TCF25: variants seen among roughly 807,000 people sequenced by gnomAD.
The protein encoded by TCF25 is TCF25 ribosome quality control complex subunit.
In TCF25, 41 loss-of-function variants were observed where a neutral mutation model predicts 83.1. The ratio of observed to expected loss-of-function variants is 0.49; its 90% CI spans 0.38 to 0.64. TCF25 has a LOEUF of 0.64. Among genes scored for constraint, TCF25 ranks in the 30% least tolerant of loss-of-function variants. The pLI is 0.00. For missense variants in TCF25, 979 were observed against 914.5 expected (o/e 1.07, Z -0.91); for synonymous variants, 458 against 365.0 (o/e 1.25, Z -2.90).
chr16:89,895,153 C>G lies in TCF25; in HGVS notation c.928+16C>G. 1 of 1,608,626 alleles carries G rather than the reference C, an allele frequency of 6.2e-7. No individual in the cohort carries two copies. Among genetic ancestry groups the G allele is most frequent in the Non-Finnish European group, 8.5e-7 (1 of 1,176,852 alleles). On this transcript the variant is annotated intron_variant, in intron 8 of 17. Transcript: ENST00000263346. ...GACCTCGTAGGTAAGGCAGAGCCCC[C>G]ACCCCATTCCCCTCAGCTGTGGGAG...
At chr16:89,910,775 G>A in intron 17 of TCF25, 112 bp downstream of exon 17, 2 of 1,275,736 alleles carry the variant, frequency 1.6e-6, no homozygotes, top group South Asian at 1.3e-5. Context: ...GGCACAGGGA[G>A]CAGGGAAGGA....
At chr16:89,881,112 G>C (rs112604748) in intron 1 of TCF25, among the ~76,000 whole-genome samples, 2 of 152,220 alleles carry the variant, frequency 1.3e-5, no homozygotes, top group African/African-American at 2.4e-5. Flanking sequence ...GGGCGTTTAA[G>C]ATGCTCCTGA....
chr16:89,905,700 C>T (rs1290229709), intron 14 of TCF25, among the ~76,000 whole-genome samples: 1 of 152,210 alleles, frequency 6.6e-6, no homozygotes, highest in African/African-American at 2.4e-5. Context: ...CCAAGAGGCG[C>T]TGGTGCCCCC....
In TCF25 at chr16:89,911,292, TGGTC is replaced by T. The variant is rs2045535491; in HGVS notation, c.*57_*60del. On this transcript the variant is annotated 3_prime_UTR_variant, in exon 18 of 18. Coordinates refer to ENST00000263346, the MANE Select transcript of TCF25 (RefSeq NM_014972.3). The stretch of plus-strand genomic sequence containing the variant: ...ATGATGATGTTCCCGATTTCTCTGT[TGGTC>T]GGAGTCGGCCAGTTGCCTGAAGTAG... 1.3e-6 allele frequency: 2 copies of T among 1,598,618 alleles called. No homozygotes were observed. The highest frequency in any genetic ancestry group is 2.7e-5 in the African/African-American group (2 of 74,672).
intron 1 of TCF25, among the ~76,000 whole-genome samples, chr16:89,878,904 G>C (rs2042388054): frequency 6.6e-6 from 1 of 152,206 alleles, no homozygotes; most frequent in Non-Finnish European, 1.5e-5. Context: ...GCCTCCCAAA[G>C]TGCTGGGATT....
In TCF25 at chr16:89,888,716, G is replaced by A. The variant is rs1441396389; in HGVS notation, c.614+999G>A. Among the ~76,000 whole-genome samples the A allele has an allele frequency of 3.5e-5, 5 of 140,906 alleles. No individual in the cohort carries two copies. In the South Asian group the frequency reaches 1.1e-3, roughly 32 times the overall value. The allele number at this position is 140,906 out of a possible 152,430, so 92.4% of individuals were successfully genotyped here. Reference sequence around the variant, plus strand: ...TTTTGAGGCAGATTCTTGCTCTGTCGCCCAGGCTGGAATGCAGTGGTGTGA... The same window carrying A: ...TTTTGAGGCAGATTCTTGCTCTGTCACCCAGGCTGGAATGCAGTGGTGTGA... On this transcript the variant is annotated intron_variant, in intron 5 of 17. Coordinates refer to ENST00000263346, the MANE Select transcript of TCF25 (RefSeq NM_014972.3).
At position 89,873,666 on chromosome 16, in the gene TCF25, C is replaced by T; in HGVS notation, c.-2C>T. ...CTCCAGACGTCGTGGTCGTTCGGTC[C>T]TATGTCGCGCCGGGCCCTCCGGAGG... On this transcript the variant is annotated 5_prime_UTR_variant, in exon 1 of 18. Transcript: ENST00000263346. 6.3e-7 allele frequency: 1 copy of T among 1,595,786 alleles called. No individual in the cohort carries two copies. The highest frequency in any genetic ancestry group is 8.5e-7 in the Non-Finnish European group (1 of 1,174,338).
At chr16:89,907,794 A>G (rs1466440279) in intron 16 of TCF25, among the ~76,000 whole-genome samples, 1 of 3,744 alleles carries the variant, frequency 2.7e-4, no homozygotes, top group Non-Finnish European at 4.4e-4. Flanking sequence ...CCCACCTCCC[A>G]GCTCCCACCT....
chr16:89,904,089 C>G, intron 12 of TCF25, 29 bp from the exon 13 acceptor site: 1 of 1,589,354 alleles, frequency 6.3e-7, no homozygotes, highest in Non-Finnish European at 8.6e-7. Context: ...GTGCTGAGGG[C>G]CCCCACAGAG....
Position 89,901,464 on chromosome 16 carries a change from G to A in TCF25, c.1381+670G>A, listed in dbSNP as rs1055113737. 1.2e-3 allele frequency among the ~76,000 whole-genome samples: 156 copies of A among 126,344 alleles called. 5 individuals are homozygous for A. Among genetic ancestry groups the A allele is most frequent in the Middle Eastern group, 7.8e-3 (2 of 256 alleles). The allele number at this position is 126,344 out of a possible 152,430, so 82.9% of individuals were successfully genotyped here. A position where few individuals can be genotyped will look rare whatever the true frequency, so the allele number is the denominator to read the frequency against. On this transcript the variant is annotated intron_variant, in intron 12 of 17. Coordinates refer to ENST00000263346, the MANE Select transcript of TCF25 (RefSeq NM_014972.3). ...AAATCCCTCCTTAAGACGGGCCTCC[G>A]GCCGGGCGCGGTGGCTCACGCCTGT... is the stretch of plus-strand genomic sequence containing the variant.
chr16:89,893,658 G>A (rs1352073957), intron 6 of TCF25, 70 bp from the exon 7 acceptor site: 24 of 1,609,046 alleles, frequency 1.5e-5, no homozygotes, highest in Non-Finnish European at 1.8e-5. Context: ...CCACGAAGGT[G>A]AGGGCTGTGC....
At chr16:89,891,896 C>T (rs933455733) in intron 5 of TCF25, among the ~76,000 whole-genome samples, 4 of 152,126 alleles carry the variant, frequency 2.6e-5, no homozygotes, top group African/African-American at 9.7e-5. Flanking sequence ...TCTCGAACTC[C>T]TGGGTTCAAG....
intron 12 of TCF25, among the ~76,000 whole-genome samples, chr16:89,903,212 G>A (rs919815495): frequency 3.3e-5 from 5 of 152,228 alleles, no homozygotes; most frequent in African/African-American, 7.2e-5. Context: ...CCAAGAAGCC[G>A]CTGCCACTTA....
At chr16:89,901,494 CT>C (rs1488437458) in intron 12 of TCF25, among the ~76,000 whole-genome samples, 1 of 130,338 alleles carries the variant, frequency 7.7e-6, no homozygotes, top group Non-Finnish European at 1.7e-5. Context: ...GCCTGTAATC[CT>C]AGCACTTTGG....
intron 1 of TCF25, among the ~76,000 whole-genome samples, chr16:89,882,598 C>T (rs1209534519): frequency 6.6e-6 from 1 of 152,070 alleles, no homozygotes; most frequent in African/African-American, 2.4e-5. Context: ...TTTTGTTTTT[C>T]TATTTTGAGA....
intron 1 of TCF25, among the ~76,000 whole-genome samples, chr16:89,878,786 G>A (rs139692346): frequency 5.3e-5 from 8 of 152,212 alleles, no homozygotes; most frequent in Non-Finnish European, 5.9e-5. Flanking sequence ...GACTACAGGC[G>A]CCCACCACCA....
chr16:89,905,734 T>C (rs937517218), intron 14 of TCF25, among the ~76,000 whole-genome samples: 31 of 152,200 alleles, frequency 2.0e-4, no homozygotes, highest in African/African-American at 7.5e-4. Context: ...CATGGGCCCG[T>C]CCGCGTGTCT....
At chr16:89,874,960 C>G (rs1178261680) in intron 1 of TCF25, 1 of 152,112 alleles carries the variant, frequency 6.6e-6, no homozygotes, top group African/African-American at 2.4e-5. Context: ...CCCCAAGACC[C>G]CCGTCAAGGT....
At chr16:89,889,295 A>G in intron 5 of TCF25, 1 of 362,512 alleles carries the variant, frequency 2.8e-6, no homozygotes, top group Non-Finnish European at 5.4e-6. Context: ...CTCCCATCTC[A>G]GTCTCCCAAA....
Sources: allele counts gnomAD v4.1 joint callset (sites outside exome capture counted in the v4.1 genomes callset), GRCh38; gene constraint gnomAD v4.1.1; transcripts MANE v1.5; gene names NCBI Gene and HGNC (gene_info 2026-07-23, HGNC 2026-07-21).